PRMT7: variants seen among roughly 807,000 people sequenced by gnomAD.
PRMT7 encodes protein arginine methyltransferase 7, also known as protein arginine N-methyltransferase 7.
A neutral mutation model predicts 85.4 loss-of-function variants in PRMT7; 75 were observed. The observed-to-expected ratio is 0.88, with a 90% CI of 0.73 to 1.06. The LOEUF (loss-of-function observed/expected upper bound fraction) is 1.06, where lower values mean the gene tolerates loss of function less well. Ranked by LOEUF, PRMT7 falls within the 50% of genes least tolerant of loss-of-function variation. PRMT7 has a pLI of 0.00. For missense variants in PRMT7, 868 were observed against 915.2 expected, an observed-to-expected ratio of 0.95 and a Z score of 0.67; for synonymous variants, 397 against 359.5, an observed-to-expected ratio of 1.10 and a Z score of -1.18.
intron 11 of PRMT7, 144 bp from the exon 12 acceptor site, chr16:68,347,067 G>A (rs563875329): frequency 4.4e-6 from 3 of 676,156 alleles, no homozygotes; most frequent in Admixed American, 5.2e-5. Context: ...TGTGGCTGGG[G>A]GTGGTTACTG....
Position 68,347,643 on chromosome 16 carries a change from G to A in PRMT7, c.1288G>A (p.Glu430Lys). The A allele has an allele frequency of 1.2e-6, 2 of 1,613,866 alleles. No homozygotes were observed. The highest frequency in any genetic ancestry group is 8.5e-7 in the Non-Finnish European group (1 of 1,179,754). ...GTGTTCCCTCTAGGTGTTTACAGTC[G>A]AGAGTTCAGCAGCTTCTCACAAACT... ...HLGVEQVFTVESSAASHKLLR... is the reference protein window; with the variant it reads ...HLGVEQVFTVKSSAASHKLLR... The change falls in exon 13 of 19, where the codon GAG becomes AAG. Residue 430 changes from glutamate to lysine, a missense_variant. Physicochemically the swap from Glu to Lys is moderately conservative, Grantham distance 56 (BLOSUM62 1). Transcript: ENST00000441236.
In PRMT7 at chr16:68,358,116, C is replaced by T. The variant is rs1437324195; in HGVS notation, c.*892C>T. Reference sequence around the variant, plus strand: ...ACAGCAGACACCACGTGAGAGAACCCAGTGGCCTCTGGCTCGCAGCTTAGA... The same window carrying T: ...ACAGCAGACACCACGTGAGAGAACCTAGTGGCCTCTGGCTCGCAGCTTAGA... On this transcript the variant is annotated 3_prime_UTR_variant, in exon 19 of 19. Transcript: ENST00000441236. 6 of 152,282 alleles carry T rather than the reference C, an allele frequency of 3.9e-5. No homozygotes were observed. Among genetic ancestry groups the T allele is most frequent in the African/African-American group, 1.4e-4 (6 of 41,466 alleles). 9.4% of individuals were successfully genotyped at this position (152,282 alleles called of 1,614,324 possible).
At chr16:68,341,335 C>G (rs546584506) in intron 9 of PRMT7, among the ~76,000 whole-genome samples, 3 of 152,176 alleles carry the variant, frequency 2.0e-5, no homozygotes, top group Non-Finnish European at 4.4e-5. Context: ...TTAATTGACA[C>G]GAAGCCAGCC....
At chr16:68,327,119 G>C (rs1357085537) in intron 5 of PRMT7, among the ~76,000 whole-genome samples, 10 of 152,198 alleles carry the variant, frequency 6.6e-5, no homozygotes, top group Admixed American at 5.2e-4. Context: ...AACTGGAGCT[G>C]CTCACGTAAG....
Position 68,319,711 on chromosome 16 carries a change from A to AGTGTGTGTGTGTGTGTGTGTGTGTGT in PRMT7, c.96-1710_96-1685dup, listed in dbSNP as rs369478826. Among the ~76,000 whole-genome samples, 367 of 141,538 alleles carry AGTGTGTGTGTGTGTGTGTGTGTGTGT rather than the reference A, an allele frequency of 2.6e-3. 8 individuals carry two copies. The highest frequency in any genetic ancestry group is 6.7e-3 in the African/African-American group (249 of 37,382). The allele number at this position is 141,538 out of a possible 152,430, so 92.9% of individuals were successfully genotyped here. On this transcript the variant is annotated intron_variant, in intron 3 of 18. Transcript: ENST00000441236. ...GCCCAGCCTTCTCAATAAGAGTGAG[A>AGTGTGTGTGTGTGTGTGTGTGTGTGT]GTGTGTGTGTGTGTGTGTGTGTGTG...
At position 68,357,139 on chromosome 16, in the gene PRMT7, C is replaced by T. The variant is rs765159160; in HGVS notation, c.1994C>T (p.Pro665Leu). 6.2e-7 allele frequency: 1 copy of T among 1,613,980 alleles called. No individual in the cohort carries two copies. Among genetic ancestry groups the T allele is most frequent in the Non-Finnish European group, 8.5e-7 (1 of 1,180,008 alleles). Residue 665 changes from proline (P) to leucine (L), a missense_variant, in exon 19 of 19, where the codon CCA becomes CTA. Pro to Leu is a moderately conservative substitution (Grantham distance 98, BLOSUM62 -3). Coordinates refer to ENST00000441236, the MANE Select transcript of PRMT7 (RefSeq NM_019023.5). Reference protein sequence around the residue: ...APDPRALLGGPRTVSYAVEFH... With the variant: ...APDPRALLGGLRTVSYAVEFH... Reference sequence around the variant, plus strand: ...GATCCCAGAGCACTGCTGGGTGGCCCACGGACTGTCAGCTATGCAGTGGAG... The same window carrying T: ...GATCCCAGAGCACTGCTGGGTGGCCTACGGACTGTCAGCTATGCAGTGGAG...
intron 11 of PRMT7, 74 bp from the exon 12 acceptor site, chr16:68,347,137 T>C: frequency 1.4e-6 from 2 of 1,412,868 alleles, no homozygotes; most frequent in East Asian, 5.0e-5. Flanking sequence ...GGGAAGTATT[T>C]CTGACAGCTT....
chr16:68,336,134 T>C (rs1317837915), intron 6 of PRMT7, among the ~76,000 whole-genome samples: 2 of 152,244 alleles, frequency 1.3e-5, no homozygotes, highest in Non-Finnish European at 2.9e-5. Context: ...ACTTGTGCTC[T>C]GTGTAGGGGA....
At chr16:68,349,299 C>G (rs2086912731) in intron 14 of PRMT7, among the ~76,000 whole-genome samples, 1 of 150,938 alleles carries the variant, frequency 6.6e-6, no homozygotes, top group Admixed American at 6.6e-5. Context: ...TGCATCCTCT[C>G]TGGTAATCAC....
chr16:68,320,261 G>A (rs1021272238), intron 3 of PRMT7, among the ~76,000 whole-genome samples: 5 of 152,306 alleles, frequency 3.3e-5, no homozygotes, highest in East Asian at 1.9e-4. Context: ...CAGCTCGGTC[G>A]TGGAGACCCT....
At chr16:68,358,665 CAAATGA>C (rs1045890939), downstream of PRMT7, 14 of 152,736 alleles carry the variant, frequency 9.2e-5, no homozygotes, top group African/African-American at 3.1e-4. Context: ...TGGTTTTGGA[CAAATGA>C]AAATGAACAT....
At chr16:68,338,549 C>T (rs960564342) in intron 7 of PRMT7, among the ~76,000 whole-genome samples, 12 of 152,036 alleles carry the variant, frequency 7.9e-5, no homozygotes, top group Non-Finnish European at 1.5e-5. Context: ...ACCAGGGAGT[C>T]CCCTTGTGAG....
chr16:68,352,544 A>G, intron 15 of PRMT7, 135 bp downstream of exon 15: 1 of 833,406 alleles, frequency 1.2e-6, no homozygotes, highest in South Asian at 2.2e-5. Flanking sequence ...TTTCTGTGTC[A>G]GCACACTGTG....
chr16:68,314,334 G>T (rs1247562866), intron 2 of PRMT7, among the ~76,000 whole-genome samples: 1 of 152,210 alleles, frequency 6.6e-6, no homozygotes, highest in East Asian at 1.9e-4. Flanking sequence ...GGATTCAAGT[G>T]ATTCTCCTGC....
chr16:68,330,592 A>G (rs1427984461), intron 6 of PRMT7, among the ~76,000 whole-genome samples: 1 of 151,660 alleles, frequency 6.6e-6, no homozygotes, highest in Non-Finnish European at 1.5e-5. Flanking sequence ...AGTGGGTACT[A>G]TCTTATTTAT....
chr16:68,347,178 A>T (rs1272102202), intron 11 of PRMT7, 33 bp from the exon 12 acceptor site: 1 of 1,543,628 alleles, frequency 6.5e-7, no homozygotes, highest in Non-Finnish European at 8.8e-7. Flanking sequence ...AAACTGGAGG[A>T]AGCCCTGTGC....
intron 6 of PRMT7, among the ~76,000 whole-genome samples, chr16:68,333,496 A>G (rs2084213421): frequency 6.6e-6 from 1 of 151,454 alleles, no homozygotes; most frequent in Non-Finnish European, 1.5e-5. Context: ...AAAAAAAAAA[A>G]GAAAAGAAAA....
intron 18 of PRMT7, 46 bp downstream of exon 18, chr16:68,356,843 C>T (rs2088633913): frequency 6.4e-7 from 1 of 1,550,964 alleles, no homozygotes; most frequent in South Asian, 1.2e-5. Context: ...ACCCTGAGAG[C>T]AGGCGCCGCC....
chr16:68,352,139 T>C, intron 14 of PRMT7, 109 bp from the exon 15 acceptor site: 1 of 1,147,254 alleles, frequency 8.7e-7, no homozygotes, highest in Non-Finnish European at 1.2e-6. Flanking sequence ...AGGGAGGGAG[T>C]GAGGGAGTGA....
Sources: allele counts gnomAD v4.1 joint callset (sites outside exome capture counted in the v4.1 genomes callset), GRCh38; gene constraint gnomAD v4.1.1; transcripts MANE v1.5; gene names NCBI Gene and HGNC (gene_info 2026-07-23, HGNC 2026-07-21).